The following NUBPL variants were observed in gnomAD, a reference collection of about 807,000 sequenced individuals.
NUBPL encodes NUBP iron-sulfur cluster assembly factor, mitochondrial.
A neutral mutation model predicts 45.7 loss-of-function variants in NUBPL; 31 were observed. The ratio of observed to expected loss-of-function variants is 0.68; its 90% CI spans 0.51 to 0.92. The LOEUF is 0.92. NUBPL is among the 40% of genes least tolerant of loss of function. NUBPL has a pLI of 0.00. For missense variants in NUBPL, 401 were observed against 398.7 expected, an observed-to-expected ratio of 1.01 and a Z score of -0.05; for synonymous variants, 144 against 140.9, an observed-to-expected ratio of 1.02 and a Z score of -0.15.
At chr14:31,730,296 AG>A (rs1452860893) in intron 6 of NUBPL, among the ~76,000 whole-genome samples, 1 of 152,084 alleles carries the variant, frequency 6.6e-6, no homozygotes. Context: ...CACAAGACTG[AG>A]GGGTGTAAGT....
intron 6 of NUBPL, among the ~76,000 whole-genome samples, chr14:31,763,060 A>G (rs138038181): frequency 2.0e-5 from 3 of 152,336 alleles, no homozygotes; most frequent in African/African-American, 4.8e-5. Flanking sequence ...TCACGGGTCT[A>G]TGTGAGAAAT....
intron 6 of NUBPL, among the ~76,000 whole-genome samples, chr14:31,706,990 G>C (rs1282878296): frequency 6.6e-6 from 1 of 152,194 alleles, no homozygotes; most frequent in Non-Finnish European, 1.5e-5. Flanking sequence ...CACGTTTGAG[G>C]AGACCAATTA....
At chr14:31,690,133 G>A (rs143420185) in intron 6 of NUBPL, among the ~76,000 whole-genome samples, 1 of 152,002 alleles carries the variant, frequency 6.6e-6, no homozygotes, top group Non-Finnish European at 1.5e-5. Context: ...GTAAGGAAGA[G>A]AAGTGAGCAC....
At chr14:31,835,276 T>C (rs1328171119) in intron 8 of NUBPL, among the ~76,000 whole-genome samples, 1 of 152,238 alleles carries the variant, frequency 6.6e-6, no homozygotes, top group East Asian at 1.9e-4. Context: ...CTCATTATTA[T>C]TTTAAGCCAC....
chr14:31,613,231 A>T (rs2034807626), intron 4 of NUBPL, among the ~76,000 whole-genome samples: 2 of 152,170 alleles, frequency 1.3e-5, no homozygotes, highest in African/African-American at 4.8e-5. Flanking sequence ...TCTTTGTGGG[A>T]TCTAAAAATC....
chr14:31,731,553 A>G (rs1046194250), intron 6 of NUBPL, among the ~76,000 whole-genome samples: 1 of 152,216 alleles, frequency 6.6e-6, no homozygotes, highest in Admixed American at 6.5e-5. Context: ...TTTACTAAGT[A>G]TGTAATATTT....
intron 8 of NUBPL, chr14:31,845,027 C>G (rs543121275): frequency 6.6e-6 from 1 of 152,168 alleles, no homozygotes; most frequent in Non-Finnish European, 1.5e-5. Flanking sequence ...CGCCCTCCCC[C>G]CGCCACTGCA....
intron 2 of NUBPL, chr14:31,562,932 T>C (rs991289430): frequency 6.5e-6 from 1 of 154,068 alleles, no homozygotes; most frequent in African/African-American, 2.4e-5. Context: ...TCCCCATTTT[T>C]ATCAGAAGGG....
At chr14:31,834,594 A>T (rs570471996) in intron 8 of NUBPL, among the ~76,000 whole-genome samples, 1 of 152,336 alleles carries the variant, frequency 6.6e-6, no homozygotes, top group East Asian at 1.9e-4. Flanking sequence ...CATCTCAGCC[A>T]TAATTATTTC....
At chr14:31,636,793 T>G (rs2035516706) in intron 4 of NUBPL, among the ~76,000 whole-genome samples, 1 of 152,218 alleles carries the variant, frequency 6.6e-6, no homozygotes. Flanking sequence ...ATTCAGAGAT[T>G]CAACTTCTTC....
At chr14:31,594,619 A>G (rs1193958696) in intron 3 of NUBPL, among the ~76,000 whole-genome samples, 2 of 151,928 alleles carry the variant, frequency 1.3e-5, no homozygotes, top group East Asian at 3.9e-4. Flanking sequence ...GAAGATTTAG[A>G]CAGTCCTTTG....
chr14:31,853,788 A>C (rs1435360743), intron 10 of NUBPL, among the ~76,000 whole-genome samples: 1 of 152,174 alleles, frequency 6.6e-6, no homozygotes, highest in African/African-American at 2.4e-5. Context: ...TGACTAGTGT[A>C]AAGCAGCCAA....
chr14:31,780,008 C>T (rs2039162900), intron 6 of NUBPL, among the ~76,000 whole-genome samples: 1 of 152,028 alleles, frequency 6.6e-6, no homozygotes, highest in Admixed American at 6.6e-5. Context: ...TCAGTCCAAA[C>T]CTTAGTAATA....
chr14:31,667,140 G>A (rs1357180496), intron 4 of NUBPL, among the ~76,000 whole-genome samples: 1 of 152,156 alleles, frequency 6.6e-6, no homozygotes, highest in Non-Finnish European at 1.5e-5. Flanking sequence ...ATCCTGAAGA[G>A]TGTTTTCCAG....
chr14:31,586,486 A>G (rs191583329), intron 3 of NUBPL, among the ~76,000 whole-genome samples: 1 of 152,348 alleles, frequency 6.6e-6, no homozygotes, highest in East Asian at 1.9e-4. Flanking sequence ...AACTACAGAA[A>G]GTAGCTCAAC....
chr14:31,682,974 C>T (rs1424716149), intron 6 of NUBPL, among the ~76,000 whole-genome samples: 3 of 151,030 alleles, frequency 2.0e-5, no homozygotes, highest in Admixed American at 2.0e-4. Flanking sequence ...CAGAGATCAC[C>T]TGACAAGAGA....
At position 31,574,977 on chromosome 14, in the gene NUBPL, A is replaced by G. The variant is rs112972356; in HGVS notation, c.291+9929A>G. Among the ~76,000 whole-genome samples, 344 of 152,326 alleles carry G rather than the reference A, an allele frequency of 2.3e-3. 1 individual carries two copies. The highest frequency in any genetic ancestry group is 7.7e-3 in the African/African-American group (319 of 41,582). ...ACCAGAATTTTAATTGGACTTAAAG[A>G]TGGGAAAGAAAGCAGTTTTATCTTC... is the stretch of plus-strand genomic sequence containing the variant. On this transcript the variant is annotated intron_variant, in intron 3 of 10. Transcript: ENST00000281081.
At chr14:31,701,723 C>A (rs1304934695) in intron 6 of NUBPL, among the ~76,000 whole-genome samples, 1 of 152,132 alleles carries the variant, frequency 6.6e-6, no homozygotes, top group Non-Finnish European at 1.5e-5. Context: ...AGCGAGACCA[C>A]GAACCCACCA....
At chr14:31,568,277 T>C (rs1462008978) in intron 3 of NUBPL, among the ~76,000 whole-genome samples, 1 of 152,088 alleles carries the variant, frequency 6.6e-6, no homozygotes, top group African/African-American at 2.4e-5. Context: ...GTCTTATAGA[T>C]AATGTGAAGT....
Sources: gnomAD v4.1 joint callset for allele counts (sites outside exome capture counted in the v4.1 genomes callset) on GRCh38, gnomAD v4.1.1 for gene constraint, MANE v1.5 for transcripts, NCBI Gene and HGNC (gene_info 2026-07-23, HGNC 2026-07-21) for gene names.